Variants in HHIP observed in about 807,000 individuals in gnomAD.
The protein encoded by HHIP is hedgehog interacting protein.
A neutral mutation model predicts 74.0 loss-of-function variants in HHIP; 12 were observed. That is an observed-to-expected ratio of 0.16 (90% confidence interval 0.10 to 0.26). The LOEUF is 0.26. Ranked by LOEUF, HHIP falls within the 10% of genes least tolerant of loss-of-function variation. The pLI, the probability that HHIP is intolerant of heterozygous loss-of-function variation, is 1.00. For synonymous variants in HHIP, 309 were observed against 311.6 expected (o/e 0.99, Z 0.09); for missense variants, 788 against 845.0 (o/e 0.93, Z 0.84).
intron 5 of HHIP, 92 bp downstream of exon 5, chr4:144,706,774 G>A: frequency 1.7e-6 from 2 of 1,168,320 alleles, no homozygotes; most frequent in African/African-American, 3.1e-5. Flanking sequence ...TTGCAAATAA[G>A]TAACCATAAG....
At chr4:144,684,181 T>G (rs905966885) in intron 4 of HHIP, among the ~76,000 whole-genome samples, 7 of 142,486 alleles carry the variant, frequency 4.9e-5, no homozygotes, top group Non-Finnish European at 9.1e-5. Flanking sequence ...GAGACCATCC[T>G]GGCCAACATG....
chr4:144,667,756 T>C (rs978432149), intron 4 of HHIP, among the ~76,000 whole-genome samples: 1 of 152,184 alleles, frequency 6.6e-6, no homozygotes, highest in African/African-American at 2.4e-5. Flanking sequence ...ATTATAGTAA[T>C]GTCGGTCTTT....
At chr4:144,692,637 T>C (rs1402463040) in intron 4 of HHIP, among the ~76,000 whole-genome samples, 1 of 152,104 alleles carries the variant, frequency 6.6e-6, no homozygotes, top group African/African-American at 2.4e-5. Context: ...TTTATAGCCC[T>C]CTCCAAAGTT....
At chr4:144,730,904 AT>A (rs1290483572) in intron 11 of HHIP, among the ~76,000 whole-genome samples, 2 of 152,186 alleles carry the variant, frequency 1.3e-5, no homozygotes, top group Admixed American at 1.3e-4. Context: ...AGAAAAATGA[AT>A]TTTAATGTGT....
chr4:144,740,680 G>A lies in HHIP; in HGVS notation c.*2723G>A, dbSNP rs1029770255. On this transcript the variant is annotated 3_prime_UTR_variant, in exon 13 of 13. Coordinates refer to ENST00000296575, the MANE Select transcript of HHIP (RefSeq NM_022475.3). ...TCATGATGAGAGGCAGGTAGGAATT[G>A]GTTAAGAAGTATGAGCAGGAAAAAA... 1 of 152,062 alleles carries A rather than the reference G, an allele frequency of 6.6e-6. No individual in the cohort carries two copies. Among genetic ancestry groups the A allele is most frequent in the Admixed American group, 6.6e-5 (1 of 15,260 alleles). 9.4% of individuals were successfully genotyped at this position (152,062 alleles called of 1,614,324 possible).
chr4:144,652,314 T>C (rs899376631), intron 1 of HHIP, among the ~76,000 whole-genome samples: 1 of 152,038 alleles, frequency 6.6e-6, no homozygotes, highest in Non-Finnish European at 1.5e-5. Flanking sequence ...TTAAAGAGTC[T>C]AAATATAATT....
Position 144,697,491 on chromosome 4 carries a change from T to C in HHIP, c.832-9040T>C, listed in dbSNP as rs557199992. ...CAGATAGTCCCTTGTGTTTAAGTCA[T>C]TCTCTGATATTATATTGGATTCCTT... On this transcript the variant is annotated intron_variant, in intron 4 of 12. Coordinates refer to ENST00000296575, the MANE Select transcript of HHIP (RefSeq NM_022475.3). Among the ~76,000 whole-genome samples the C allele has an allele frequency of 1.9e-3, 294 of 152,190 alleles. 1 individual carries two copies. Among genetic ancestry groups the C allele is most frequent in the South Asian group, 5.2e-3 (25 of 4,828 alleles).
chr4:144,736,724 A>G (rs1048880991), intron 12 of HHIP, among the ~76,000 whole-genome samples: 2 of 152,260 alleles, frequency 1.3e-5, no homozygotes, highest in African/African-American at 4.8e-5. Context: ...GTTTGAATAT[A>G]TAACATTTAC....
intron 4 of HHIP, among the ~76,000 whole-genome samples, chr4:144,680,252 T>C (rs1296228796): frequency 1.3e-5 from 2 of 152,346 alleles, no homozygotes; most frequent in East Asian, 1.9e-4. Flanking sequence ...AAAAAACTTC[T>C]TGTTTTCTAT....
In HHIP at chr4:144,714,496, T is replaced by C. The variant is rs558435306; in HGVS notation, c.1547+148T>C. On this transcript the variant is annotated intron_variant, in intron 9 of 12. Transcript: ENST00000296575. The stretch of plus-strand genomic sequence containing the variant: ...TAAATATTATTTACTTTTAGTTCCA[T>C]AGATATAGTGGTTTAATTGAAGAAC... 3.0e-5 allele frequency: 22 copies of C among 739,502 alleles called. No homozygotes were observed. In the Middle Eastern group the frequency reaches 2.2e-3, roughly 73 times the overall value. 45.8% of individuals were successfully genotyped at this position (739,502 alleles called of 1,614,324 possible).
chr4:144,730,277 T>A (rs1212784428), intron 11 of HHIP, among the ~76,000 whole-genome samples: 1 of 152,194 alleles, frequency 6.6e-6, no homozygotes, highest in Non-Finnish European at 1.5e-5. Flanking sequence ...GCTTTATACA[T>A]TAAAGAATGT....
At chr4:144,677,617 T>C (rs913028941) in intron 4 of HHIP, among the ~76,000 whole-genome samples, 1 of 152,076 alleles carries the variant, frequency 6.6e-6, no homozygotes, top group South Asian at 2.1e-4. Flanking sequence ...GTGTTGTTAG[T>C]AGAGAAAGGA....
chr4:144,647,047 T>C (rs1341211841), intron 1 of HHIP, 93 bp downstream of exon 1: 1 of 1,121,566 alleles, frequency 8.9e-7, no homozygotes, highest in Non-Finnish European at 1.3e-6. Context: ...TGTAAGAAGG[T>C]CAAAACTTCT....
At chr4:144,654,859 T>C (rs1196035825) in intron 2 of HHIP, 1 of 152,206 alleles carries the variant, frequency 6.6e-6, no homozygotes, top group East Asian at 1.9e-4. Flanking sequence ...CTAATCAACA[T>C]ATTTTGACTA....
intron 4 of HHIP, among the ~76,000 whole-genome samples, chr4:144,692,543 C>T (rs1276776622): frequency 6.6e-6 from 1 of 152,160 alleles, no homozygotes; most frequent in Non-Finnish European, 1.5e-5. Flanking sequence ...GACAGGTCTT[C>T]CCTCTTTAGA....
intron 4 of HHIP, among the ~76,000 whole-genome samples, chr4:144,689,707 A>G (rs1729592013): frequency 6.6e-6 from 1 of 152,216 alleles, no homozygotes; most frequent in South Asian, 2.1e-4. Flanking sequence ...CATTTTAGCA[A>G]GATGCTTCTT....
Position 144,742,998 on chromosome 4 carries a change from AAT to A in HHIP, c.*5052_*5053del, listed in dbSNP as rs1383502696. On this transcript the variant is annotated 3_prime_UTR_variant, in exon 13 of 13. Coordinates refer to ENST00000296575, the MANE Select transcript of HHIP (RefSeq NM_022475.3). ...ATATATATATACATTATATATATAT[AAT>A]ATATATATATTATATATATATAATA... 1 of 694 alleles carries A rather than the reference AAT, an allele frequency of 1.4e-3. No individual in the cohort carries two copies. Among genetic ancestry groups the A allele is most frequent in the African/African-American group, 2.3e-3 (1 of 436 alleles). The allele number at this position is 694 out of a possible 1,614,324, so 0.0% of individuals were successfully genotyped here. A position where few individuals can be genotyped will look rare whatever the true frequency, so the allele number is the denominator to read the frequency against.
chr4:144,670,764 G>GAAAAAAAAAAAAAAAAAAAAAA (rs1167213848), intron 4 of HHIP, among the ~76,000 whole-genome samples: 4 of 54,890 alleles, frequency 7.3e-5, no homozygotes, highest in African/African-American at 7.4e-5. Flanking sequence ...CTTAAGATTT[G>GAAAAAAAAAAAAAAAAAAAAAA]AAAAAAAAAA....
chr4:144,724,010 A>G (rs1230013222), intron 11 of HHIP, among the ~76,000 whole-genome samples: 1 of 152,192 alleles, frequency 6.6e-6, no homozygotes, highest in Non-Finnish European at 1.5e-5. Flanking sequence ...TTTTCATCTA[A>G]CAAATCCCTA....
Sources: gnomAD v4.1 joint callset for allele counts (sites outside exome capture counted in the v4.1 genomes callset) on GRCh38, gnomAD v4.1.1 for gene constraint, MANE v1.5 for transcripts, NCBI Gene and HGNC (gene_info 2026-07-23, HGNC 2026-07-21) for gene names.